Variants in COA8 observed in about 807,000 individuals in gnomAD.
COA8 encodes the protein UPF0671 protein C14orf153.
In COA8, 20 loss-of-function variants were observed where a neutral mutation model predicts 22.0. The observed-to-expected ratio is 0.91, with a 90% CI of 0.64 to 1.32. COA8 has a LOEUF of 1.32. Among genes scored for constraint, COA8 ranks in the 40% most tolerant of loss-of-function variants. The pLI is 0.00. For synonymous variants in COA8, 105 were observed against 79.9 expected (o/e 1.31, Z -1.68); for missense variants, 266 against 230.0 (o/e 1.16, Z -1.01).
At position 103,571,951 on chromosome 14, in the gene COA8, C is replaced by T. The variant is rs755659999; in HGVS notation, c.321+131C>T. On this transcript the variant is annotated intron_variant, in intron 2 of 4. Transcript: ENST00000409074. The stretch of plus-strand genomic sequence containing the variant: ...GACCATCCTGGCTAACACGGTGAAA[C>T]CCTGTCTCTACTAAAAATACAAAAA... The T allele has an allele frequency of 3.6e-4, 257 of 721,382 alleles. 1 individual carries two copies. The highest frequency in any genetic ancestry group is 5.1e-4 in the Non-Finnish European group (236 of 459,670). 44.7% of individuals were successfully genotyped at this position (721,382 alleles called of 1,614,324 possible).
At chr14:103,563,541 CT>C (rs1198754485) in intron 1 of COA8, among the ~76,000 whole-genome samples, 1 of 152,102 alleles carries the variant, frequency 6.6e-6, no homozygotes, top group Non-Finnish European at 1.5e-5. Flanking sequence ...TATCATCGTA[CT>C]TTTGTAGCAC....
intron 1 of COA8, among the ~76,000 whole-genome samples, chr14:103,566,059 TTTTAACCCCATCTTCTTTTTGGTTAGAG>T (rs1370327549): frequency 1.3e-5 from 2 of 152,182 alleles, no homozygotes; most frequent in Non-Finnish European, 2.9e-5. Flanking sequence ...GAACAAGCCA[TTTTAACCCCATCTTCTTTTTGGTTAGAG>T]TTTAACCCCA....
intron 3 of COA8, chr14:103,574,383 A>C (rs1298182373): frequency 2.1e-5 from 15 of 717,936 alleles, no homozygotes; most frequent in African/African-American, 3.5e-5. Flanking sequence ...TTCTCTCCGG[A>C]TTTTAGGTGG....
chr14:103,590,330 C>A lies in COA8; in HGVS notation c.*44C>A. 6.6e-7 allele frequency: 1 copy of A among 1,521,918 alleles called. No individual in the cohort carries two copies. The highest frequency in any genetic ancestry group is 9.1e-7 in the Non-Finnish European group (1 of 1,103,706). The allele number at this position is 1,521,918 out of a possible 1,614,324, so 94.3% of individuals were successfully genotyped here. On this transcript the variant is annotated 3_prime_UTR_variant, in exon 5 of 5. Coordinates refer to ENST00000409074, the MANE Select transcript of COA8 (RefSeq NM_001370595.2). ...CCAGAGTCCAGGTTTCCACAGGAAG[C>A]AGATGGAGCTCCTTTCACAGGGGCT...
intron 1 of COA8, among the ~76,000 whole-genome samples, chr14:103,568,198 A>C (rs868178424): frequency 6.6e-6 from 1 of 152,166 alleles, no homozygotes; most frequent in African/African-American, 2.4e-5. Context: ...TGTGTCATGT[A>C]CGGGCACTTC....
Position 103,565,579 on chromosome 14 carries a change from A to G in COA8, c.123+2455A>G, listed in dbSNP as rs552618395. 7.4e-5 allele frequency among the ~76,000 whole-genome samples: 11 copies of G among 148,880 alleles called. No individual in the cohort carries two copies. In the South Asian group the frequency reaches 2.4e-3, roughly 32 times the overall value. On this transcript the variant is annotated intron_variant, in intron 1 of 4. Transcript: ENST00000409074. ...ACTCCCTTTTAGTTCTTTTTAATCC[A>G]TAGGTTCTGCCTCCATCACCTCCCC...
chr14:103,574,221 G>C, intron 3 of COA8, 51 bp downstream of exon 3: 1 of 1,606,372 alleles, frequency 6.2e-7, no homozygotes, highest in South Asian at 1.1e-5. Flanking sequence ...GTTTGAGCTA[G>C]TCCATGAAAA....
chr14:103,567,424 A>G (rs1282474921), intron 1 of COA8: 1 of 151,402 alleles, frequency 6.6e-6, no homozygotes. Flanking sequence ...CAGCGGCAGT[A>G]TTGTAGCCAA....
chr14:103,584,993 C>T lies in COA8; in HGVS notation c.386-2281C>T, dbSNP rs140093850. 5.2e-3 allele frequency among the ~76,000 whole-genome samples: 787 copies of T among 151,840 alleles called. 6 individuals are homozygous for T. Among genetic ancestry groups the T allele is most frequent in the African/African-American group, 0.018 (755 of 41,428 alleles). ...TCTTTACTAGAAATACAAAAATTAG[C>T]CAGGTATGGTGGTGCGTGCCTGTAA... On this transcript the variant is annotated intron_variant, in intron 3 of 4. Coordinates refer to ENST00000409074, the MANE Select transcript of COA8 (RefSeq NM_001370595.2).
intron 4 of COA8, chr14:103,588,077 T>C (rs1034724651): frequency 4.7e-4 from 112 of 240,250 alleles, no homozygotes; most frequent in Middle Eastern, 1.2e-3. Flanking sequence ...GATCGTGCCA[T>C]TGCACTCCAG....
At chr14:103,571,907 C>T (rs1316943856) in intron 2 of COA8, 87 bp downstream of exon 2, 6 of 1,164,258 alleles carry the variant, frequency 5.2e-6, no homozygotes, top group Non-Finnish European at 7.4e-6. Flanking sequence ...GTGGGCAGAT[C>T]ACGAGGTCAG....
chr14:103,580,587 G>A (rs1177936024), intron 3 of COA8, among the ~76,000 whole-genome samples: 2 of 150,170 alleles, frequency 1.3e-5, no homozygotes, highest in East Asian at 2.0e-4. Context: ...TCCACCTCCC[G>A]GGTTCAAGCA....
intron 1 of COA8, among the ~76,000 whole-genome samples, chr14:103,564,712 T>C (rs1291544565): frequency 1.3e-5 from 2 of 151,276 alleles, no homozygotes; most frequent in East Asian, 3.9e-4. Flanking sequence ...TCCGAGTAGC[T>C]GGGACTACAG....
At chr14:103,582,424 C>T (rs147520835) in intron 3 of COA8, among the ~76,000 whole-genome samples, 70 of 152,334 alleles carry the variant, frequency 4.6e-4, no homozygotes, top group African/African-American at 1.6e-3. Flanking sequence ...CCTGGGAGTG[C>T]CACAGAGGCA....
chr14:103,584,521 A>C (rs1240754629), intron 3 of COA8, among the ~76,000 whole-genome samples: 1 of 152,048 alleles, frequency 6.6e-6, no homozygotes, highest in East Asian at 1.9e-4. Flanking sequence ...GGGGACAAAG[A>C]CCAAATACCT....
Position 103,574,103 on chromosome 14 carries a change from T to TTTTTGG in COA8, c.322-4_322-3insTTTTGG. 1 of 1,484,226 alleles carries TTTTTGG rather than the reference T, an allele frequency of 6.7e-7. No homozygotes were observed. Among genetic ancestry groups the TTTTTGG allele is most frequent in the African/African-American group, 1.5e-5 (1 of 67,644 alleles). 91.9% of individuals were successfully genotyped at this position (1,484,226 alleles called of 1,614,324 possible). ...CTTTTTTTTTTTTTTTTTTTTTTTTTAAGGAAAAAGAAGAATTTATTCACT... is the reference window on the plus strand; with the variant it reads ...CTTTTTTTTTTTTTTTTTTTTTTTTTTTTTGGAAGGAAAAAGAAGAATTTATTCACT... On this transcript the variant is annotated splice_region_variant and splice_polypyrimidine_tract_variant and intron_variant, in intron 2 of 4. Transcript: ENST00000409074.
intron 1 of COA8, among the ~76,000 whole-genome samples, chr14:103,569,996 A>G (rs2076170248): frequency 1.3e-5 from 2 of 152,076 alleles, no homozygotes. Flanking sequence ...AGCTGGGACT[A>G]CAGGTGCCGG....
At chr14:103,563,296 C>T (rs2076105873) in intron 1 of COA8, 172 bp downstream of exon 1, 2 of 897,098 alleles carry the variant, frequency 2.2e-6, no homozygotes, top group Non-Finnish European at 3.5e-6. Flanking sequence ...TCAACGCCCT[C>T]AGTCGGATGG....
chr14:103,579,168 C>T (rs903324423), intron 3 of COA8, among the ~76,000 whole-genome samples: 4 of 151,952 alleles, frequency 2.6e-5, no homozygotes, highest in Admixed American at 1.3e-4. Flanking sequence ...CCTCTTTATC[C>T]GAGGGATACA....
Sources: gnomAD v4.1 joint callset for allele counts (sites outside exome capture counted in the v4.1 genomes callset) on GRCh38, gnomAD v4.1.1 for gene constraint, MANE v1.5 for transcripts, NCBI Gene and HGNC (gene_info 2026-07-23, HGNC 2026-07-21) for gene names.